The following DOCK2 variants were observed in gnomAD, a reference collection of about 807,000 sequenced individuals.
DOCK2 encodes the protein dedicator of cytokinesis protein 2.
A neutral mutation model predicts 248.9 loss-of-function variants in DOCK2; 87 were observed. The observed-to-expected ratio is 0.35, with a 90% CI of 0.29 to 0.42. The LOEUF (loss-of-function observed/expected upper bound fraction) is 0.42. Ranked by LOEUF, DOCK2 falls within the 10% of genes least tolerant of loss-of-function variation. The pLI is 1.00. For missense variants in DOCK2, 1,747 were observed against 2,300.2 expected (o/e 0.76, Z 4.92); for synonymous variants, 805 against 821.6 (o/e 0.98, Z 0.35).
intron 26 of DOCK2, among the ~76,000 whole-genome samples, chr5:169,829,021 C>A (rs1019628310): frequency 7.9e-5 from 12 of 152,008 alleles, no homozygotes; most frequent in Admixed American, 7.9e-4. Context: ...GATTATAGTC[C>A]AGAATTTTAA....
At chr5:169,814,354 A>G (rs1485737050) in intron 26 of DOCK2, among the ~76,000 whole-genome samples, 1 of 152,202 alleles carries the variant, frequency 6.6e-6, no homozygotes. Flanking sequence ...CTAACTGAGG[A>G]TTGAAAAATA....
intron 29 of DOCK2, among the ~76,000 whole-genome samples, chr5:169,991,628 T>G (rs7700800): frequency 1.3e-5 from 2 of 152,238 alleles, no homozygotes; most frequent in African/African-American, 2.4e-5. Context: ...ACGTGTTGGC[T>G]CTGGACCCAG....
intron 28 of DOCK2, among the ~76,000 whole-genome samples, chr5:169,984,651 A>G (rs968440912): frequency 6.6e-6 from 1 of 152,226 alleles, no homozygotes; most frequent in South Asian, 2.1e-4. Context: ...ATAAACATGC[A>G]CACACGTGCG....
chr5:169,851,346 G>C (rs1278069944), intron 27 of DOCK2, among the ~76,000 whole-genome samples: 3 of 152,300 alleles, frequency 2.0e-5, no homozygotes, highest in African/African-American at 7.2e-5. Context: ...GACAGCTGGA[G>C]CATAAAAGAG....
rs368063974 is a variant in DOCK2, at chr5:169,923,994, A to G, written c.2800-59074A>G. 4.1e-3 allele frequency among the ~76,000 whole-genome samples: 622 copies of G among 152,302 alleles called. 4 individuals carry two copies. Among genetic ancestry groups the G allele is most frequent in the South Asian group, 0.016 (79 of 4,822 alleles). ...AAATGGAGCTGGATTAATAACGTTT[A>G]TCATTCAGGTGGAGGCTTTGTGTTT... On this transcript the variant is annotated intron_variant, in intron 27 of 51. Transcript: ENST00000520908.
intron 26 of DOCK2, among the ~76,000 whole-genome samples, chr5:169,824,217 A>G (rs887341651): frequency 1.5e-4 from 23 of 152,276 alleles, no homozygotes; most frequent in African/African-American, 4.6e-4. Context: ...TATAGATTCA[A>G]TGCCATCCCC....
At chr5:169,851,481 A>G (rs1041910830) in intron 27 of DOCK2, among the ~76,000 whole-genome samples, 8 of 152,180 alleles carry the variant, frequency 5.3e-5, no homozygotes, top group Non-Finnish European at 1.2e-4. Context: ...GCTGTGTCCA[A>G]TGGAGCAGAC....
At chr5:170,059,149 T>A (rs990762032) in intron 44 of DOCK2, among the ~76,000 whole-genome samples, 12 of 146,482 alleles carry the variant, frequency 8.2e-5, no homozygotes, top group Non-Finnish European at 1.8e-4. Context: ...CTCTTTATCT[T>A]TTTTTCCTTA....
intron 1 of DOCK2, among the ~76,000 whole-genome samples, chr5:169,646,818 G>A (rs1182907866): frequency 2.0e-5 from 3 of 152,202 alleles, no homozygotes; most frequent in Non-Finnish European, 4.4e-5. Context: ...AATACAATAG[G>A]TATAGCCAAA....
chr5:169,999,462 T>A (rs1025602466), intron 30 of DOCK2, among the ~76,000 whole-genome samples: 1 of 152,176 alleles, frequency 6.6e-6, no homozygotes, highest in African/African-American at 2.4e-5. Context: ...ATTATGATGA[T>A]CATGCCCCTA....
At position 169,853,960 on chromosome 5, in the gene DOCK2, C is replaced by T. The variant is rs1288361872; in HGVS notation, c.2799+13108C>T. 6.8e-5 allele frequency among the ~76,000 whole-genome samples: 10 copies of T among 148,126 alleles called. No homozygotes were observed. The East Asian group carries it at 8.1e-4, about 12-fold the overall frequency. On this transcript the variant is annotated intron_variant, in intron 27 of 51. Transcript: ENST00000520908. ...ACACCATTCTCCTGCCTCAGCCTCC[C>T]GAGTAGCTGGGACTACAGGCGCCCA...
intron 25 of DOCK2, among the ~76,000 whole-genome samples, chr5:169,780,249 A>G (rs1185234816): frequency 6.6e-6 from 1 of 151,778 alleles, no homozygotes; most frequent in East Asian, 1.9e-4. Context: ...GGACGGAGTC[A>G]GCTCTGGTTA....
intron 27 of DOCK2, chr5:169,875,927 A>G (rs1772304728): frequency 1.3e-5 from 2 of 152,254 alleles, no homozygotes; most frequent in African/African-American, 2.4e-5. Flanking sequence ...CACAAATTTA[A>G]TGGCTTAAAA....
chr5:169,964,012 A>G (rs1224101413), intron 27 of DOCK2, among the ~76,000 whole-genome samples: 4 of 152,120 alleles, frequency 2.6e-5, no homozygotes, highest in Non-Finnish European at 5.9e-5. Flanking sequence ...CCCTCATGGA[A>G]GTGGCAGGAT....
At chr5:169,711,107 G>T (rs769060098) in intron 15 of DOCK2, among the ~76,000 whole-genome samples, 9 of 152,180 alleles carry the variant, frequency 5.9e-5, no homozygotes, top group Non-Finnish European at 1.0e-4. Context: ...ACCTCCTCAG[G>T]CTCAAGCCTC....
At chr5:170,004,510 G>A (rs1035121746) in intron 30 of DOCK2, among the ~76,000 whole-genome samples, 11 of 152,106 alleles carry the variant, frequency 7.2e-5, no homozygotes, top group African/African-American at 1.9e-4. Flanking sequence ...TCAGTGTGGC[G>A]ATTCCTCAGG....
intron 25 of DOCK2, among the ~76,000 whole-genome samples, chr5:169,784,898 A>G (rs1280652753): frequency 6.6e-6 from 1 of 152,258 alleles, no homozygotes; most frequent in East Asian, 1.9e-4. Flanking sequence ...TGATGAATAC[A>G]TAGCAGGTTT....
At chr5:169,881,297 G>A in intron 27 of DOCK2, 1 of 1,291,128 alleles carries the variant, frequency 7.7e-7, no homozygotes, top group Admixed American at 2.2e-5. Context: ...GCATTTAAAA[G>A]TTTGCTAGAG....
At chr5:169,854,805 G>A (rs1289443290) in intron 27 of DOCK2, among the ~76,000 whole-genome samples, 1 of 152,186 alleles carries the variant, frequency 6.6e-6, no homozygotes, top group African/African-American at 2.4e-5. Context: ...TGACAATTGT[G>A]TCCCCCCAGA....
Sources: gnomAD v4.1 joint callset for allele counts (sites outside exome capture counted in the v4.1 genomes callset) on GRCh38, gnomAD v4.1.1 for gene constraint, MANE v1.5 for transcripts, NCBI Gene and HGNC (gene_info 2026-07-23, HGNC 2026-07-21) for gene names.